DOCK5: variants seen among roughly 807,000 people sequenced by gnomAD.
DOCK5 encodes dedicator of cytokinesis 5, also known as dedicator of cytokinesis protein 5.
Under a neutral mutation model 251.8 loss-of-function variants are expected in DOCK5, and 142 were observed. That is an observed-to-expected ratio of 0.56 (90% CI 0.49 to 0.65). The LOEUF (loss-of-function observed/expected upper bound fraction) is 0.65, where lower values mean the gene tolerates loss of function less well. Ranked by LOEUF, DOCK5 falls within the 30% of genes least tolerant of loss-of-function variation. The pLI is 0.00. For synonymous variants in DOCK5, 842 were observed against 835.5 expected, an observed-to-expected ratio of 1.01 and a Z score of -0.13; for missense variants, 2,111 against 2,312.3, an observed-to-expected ratio of 0.91 and a Z score of 1.79.
chr8:25,273,634 G>A (rs939626327), intron 3 of DOCK5, among the ~76,000 whole-genome samples: 1 of 152,158 alleles, frequency 6.6e-6, no homozygotes, highest in Non-Finnish European at 1.5e-5. Flanking sequence ...ACGCATGAAT[G>A]AATAAATAGT....
chr8:25,373,698 A>T, intron 36 of DOCK5, 40 bp downstream of exon 36: 3 of 1,546,710 alleles, frequency 1.9e-6, no homozygotes, highest in Non-Finnish European at 2.6e-6. Flanking sequence ...TGTTTATTTC[A>T]TGGCTTTGTG....
At chr8:25,375,615 G>A (rs952691350) in intron 37 of DOCK5, 66 of 885,150 alleles carry the variant, frequency 7.5e-5, no homozygotes, top group Non-Finnish European at 5.4e-5. Context: ...CACTACAGCA[G>A]CCTCCTGTTT....
chr8:25,302,541 C>G (rs1391507454), intron 10 of DOCK5, 87 bp downstream of exon 10: 1 of 1,406,550 alleles, frequency 7.1e-7, no homozygotes, highest in Non-Finnish European at 9.4e-7. Flanking sequence ...AAACATGGAA[C>G]TAGCAAATGA....
At chr8:25,317,199 C>T in intron 14 of DOCK5, 68 bp downstream of exon 14, 3 of 1,569,930 alleles carry the variant, frequency 1.9e-6, no homozygotes, top group Non-Finnish European at 2.6e-6. Context: ...AGAATCTTGG[C>T]CGTATTTTAA....
intron 1 of DOCK5, among the ~76,000 whole-genome samples, chr8:25,229,488 A>AC (rs1250895819): frequency 2.0e-5 from 3 of 152,084 alleles, no homozygotes; most frequent in Non-Finnish European, 4.4e-5. Flanking sequence ...ATCAAAAAAA[A>AC]AAAGTGCAGT....
intron 15 of DOCK5, 125 bp from the exon 16 acceptor site, chr8:25,320,855 A>G (rs993768057): frequency 4.6e-5 from 35 of 766,798 alleles, no homozygotes; most frequent in Admixed American, 1.0e-4. Context: ...TGAAACCTAT[A>G]CCAAATCTCA....
At chr8:25,254,165 G>A (rs1477995568) in intron 2 of DOCK5, among the ~76,000 whole-genome samples, 3 of 152,080 alleles carry the variant, frequency 2.0e-5, no homozygotes. Flanking sequence ...AAATCGTGCT[G>A]GAACAACCTG....
chr8:25,409,266 C>A (rs1055773988), intron 50 of DOCK5, among the ~76,000 whole-genome samples: 6 of 152,148 alleles, frequency 3.9e-5, no homozygotes, highest in Non-Finnish European at 8.8e-5. Flanking sequence ...TGAACAGGGA[C>A]AAGAAATAGA....
intron 9 of DOCK5, among the ~76,000 whole-genome samples, chr8:25,301,760 T>C (rs915454125): frequency 2.0e-5 from 3 of 152,076 alleles, no homozygotes; most frequent in Non-Finnish European, 1.5e-5. Flanking sequence ...AATAGGTATT[T>C]CATTGACACA....
chr8:25,255,716 A>G (rs75612974), intron 2 of DOCK5, among the ~76,000 whole-genome samples: 1,917 of 152,324 alleles, frequency 0.013, 34 homozygotes, highest in African/African-American at 0.043. Flanking sequence ...GTTTGATTGC[A>G]ATAAATGTAC....
At chr8:25,232,367 C>G (rs1802687922) in intron 1 of DOCK5, among the ~76,000 whole-genome samples, 1 of 152,156 alleles carries the variant, frequency 6.6e-6, no homozygotes, top group South Asian at 2.1e-4. Context: ...CTTTGTTATG[C>G]AGGACCAACA....
chr8:25,362,452 C>CTTTTTTTTTTTTTTTTTTTT (rs1563216376), intron 28 of DOCK5, among the ~76,000 whole-genome samples: 1 of 107,082 alleles, frequency 9.3e-6, no homozygotes, highest in Admixed American at 1.0e-4. Context: ...CTTTTCTTTT[C>CTTTTTTTTTTTTTTTTTTTT]TTTTCTTTTC....
At chr8:25,208,854 C>T (rs1448034290) in intron 1 of DOCK5, among the ~76,000 whole-genome samples, 1 of 152,122 alleles carries the variant, frequency 6.6e-6, no homozygotes, top group Non-Finnish European at 1.5e-5. Context: ...ATGCCCATGA[C>T]CTTCATTTCT....
At chr8:25,186,641 A>G (rs1801438346) in intron 1 of DOCK5, among the ~76,000 whole-genome samples, 1 of 152,068 alleles carries the variant, frequency 6.6e-6, no homozygotes, top group African/African-American at 2.4e-5. Flanking sequence ...GGCCTCCCAA[A>G]GTGTTGGGAT....
At position 25,319,661 on chromosome 8, in the gene DOCK5, G is replaced by C; in HGVS notation, c.1527G>C (p.Trp509Cys). Residue 509 changes from tryptophan to cysteine, a missense_variant, in exon 15 of 52, where the codon TGG becomes TGC. By Grantham distance (215) the Trp-to-Cys change is radical. Transcript: ENST00000276440. Reference protein sequence around the residue: ...VVYYQVKQPCWYETVKVSIAI... With the variant: ...VVYYQVKQPCCYETVKVSIAI... ...ATTACCAAGTCAAGCAGCCCTGTTG[G>C]TATGAGACTGTCAAGGTGAGAATGA... The C allele has an allele frequency of 6.3e-7, 1 of 1,583,050 alleles. No individual in the cohort carries two copies. The highest frequency in any genetic ancestry group is 8.6e-7 in the Non-Finnish European group (1 of 1,164,304).
intron 13 of DOCK5, among the ~76,000 whole-genome samples, chr8:25,313,647 G>A (rs1050339674): frequency 1.3e-5 from 2 of 152,208 alleles, no homozygotes; most frequent in African/African-American, 2.4e-5. Flanking sequence ...AAAGGACAGG[G>A]ACTGGAAATT....
chr8:25,360,498 G>C (rs1800657950), intron 28 of DOCK5, among the ~76,000 whole-genome samples: 1 of 152,190 alleles, frequency 6.6e-6, no homozygotes, highest in African/African-American at 2.4e-5. Flanking sequence ...TAGCGGGTAA[G>C]AGCACAGGCC....
At chr8:25,355,875 A>T (rs1265090928) in intron 27 of DOCK5, among the ~76,000 whole-genome samples, 1 of 152,170 alleles carries the variant, frequency 6.6e-6, no homozygotes. Flanking sequence ...AATAAATACT[A>T]GTTACAAATA....
intron 21 of DOCK5, among the ~76,000 whole-genome samples, chr8:25,335,188 C>T (rs1435583826): frequency 6.6e-6 from 1 of 152,180 alleles, no homozygotes; most frequent in Non-Finnish European, 1.5e-5. Flanking sequence ...GTGGCTTAAG[C>T]CACATCCTGT....
Sources: allele counts gnomAD v4.1 joint callset (sites outside exome capture counted in the v4.1 genomes callset), GRCh38; gene constraint gnomAD v4.1.1; transcripts MANE v1.5; gene names NCBI Gene and HGNC (gene_info 2026-07-23, HGNC 2026-07-21).